The following MACO1 variants were observed in gnomAD, a reference collection of about 807,000 sequenced individuals.
MACO1 encodes macoilin.
In MACO1, 14 loss-of-function variants were observed where a neutral mutation model predicts 78.7. The observed-to-expected ratio is 0.18, with a 90% CI of 0.12 to 0.28. The LOEUF is 0.28. Ranked by LOEUF, MACO1 falls within the 10% of genes least tolerant of loss-of-function variation. The pLI is 1.00. For missense variants in MACO1, 501 were observed against 799.0 expected (o/e 0.63, Z 4.50); for synonymous variants, 288 against 291.6 (o/e 0.99, Z 0.12).
chr1:25,455,507 T>C (rs1470558772), intron 4 of MACO1, among the ~76,000 whole-genome samples: 2 of 152,244 alleles, frequency 1.3e-5, no homozygotes, highest in East Asian at 3.8e-4. Context: ...CGTAAGTTTG[T>C]AGTGAGACCA....
intron 6 of MACO1, among the ~76,000 whole-genome samples, chr1:25,467,323 T>C (rs944467275): frequency 3.9e-5 from 6 of 152,304 alleles, no homozygotes; most frequent in Admixed American, 6.5e-5. Context: ...CCTGAACTGC[T>C]GTCCTGAAGT....
rs1234460473 is a variant in MACO1 at position 25,473,632 on chromosome 1, C to T, written c.1155-10484C>T. On this transcript the variant is annotated intron_variant, in intron 6 of 10. Coordinates refer to ENST00000374343, the MANE Select transcript of MACO1 (RefSeq NM_018202.6). Reference sequence around the variant, plus strand: ...TTTGTGTTAAATTCTGAGTCAGTACCTCTGTTGGCATATAATGAATTTAGT... The same window carrying T: ...TTTGTGTTAAATTCTGAGTCAGTACTTCTGTTGGCATATAATGAATTTAGT... Among the ~76,000 whole-genome samples the T allele has an allele frequency of 3.3e-5, 5 of 152,176 alleles. No homozygotes were observed. The East Asian group carries it at 9.6e-4, about 29-fold the overall frequency.
intron 8 of MACO1, 56 bp from the exon 9 acceptor site, chr1:25,489,117 A>G: frequency 6.4e-7 from 1 of 1,568,382 alleles, no homozygotes; most frequent in Non-Finnish European, 8.6e-7. Flanking sequence ...CACAGGGCCC[A>G]GCCCCAACCT....
intron 4 of MACO1, among the ~76,000 whole-genome samples, 174 bp downstream of exon 4, chr1:25,454,556 T>C (rs1405334694): frequency 6.7e-6 from 1 of 149,834 alleles, no homozygotes; most frequent in Non-Finnish European, 1.5e-5. Flanking sequence ...CGATCTTGGT[T>C]ATGCAACCTC....
At chr1:25,452,723 G>T (rs2043078294) in intron 3 of MACO1, among the ~76,000 whole-genome samples, 1 of 146,640 alleles carries the variant, frequency 6.8e-6, no homozygotes, top group African/African-American at 2.6e-5. Flanking sequence ...TTGAGGCAGA[G>T]TCTCGCTCTG....
intron 10 of MACO1, among the ~76,000 whole-genome samples, chr1:25,492,641 A>G (rs1369224619): frequency 3.3e-5 from 5 of 152,010 alleles, no homozygotes; most frequent in Non-Finnish European, 7.4e-5. Context: ...CCATGGAAAG[A>G]ACTTAGGGTT....
At chr1:25,480,929 A>AAAAAATAT (rs1553166539) in intron 6 of MACO1, among the ~76,000 whole-genome samples, 37 of 47,860 alleles carry the variant, frequency 7.7e-4, no homozygotes, top group African/African-American at 9.7e-4. Context: ...AAAAAAAAAA[A>AAAAAATAT]ATATATATAT....
rs182452838 is a variant in MACO1, at chr1:25,480,852, A to G, written c.1155-3264A>G. On this transcript the variant is annotated intron_variant, in intron 6 of 10. Transcript: ENST00000374343. ...AGGCTGAGGCAGGAGAATTGCTTGA[A>G]CCCAGGAGGGGGAGATTGCAGTGAG... is the stretch of plus-strand genomic sequence containing the variant. Among the ~76,000 whole-genome samples the G allele has an allele frequency of 6.4e-3, 931 of 146,486 alleles. 16 individuals carry two copies. Among genetic ancestry groups the G allele is most frequent in the African/African-American group, 0.022 (879 of 39,268 alleles).
chr1:25,455,213 A>G (rs1453919397), intron 4 of MACO1, among the ~76,000 whole-genome samples: 1 of 152,214 alleles, frequency 6.6e-6, no homozygotes, highest in East Asian at 1.9e-4. Context: ...TATTATTAAT[A>G]ATTTTTGAAT....
chr1:25,494,068 T>G (rs182969403), intron 10 of MACO1, among the ~76,000 whole-genome samples: 1 of 152,346 alleles, frequency 6.6e-6, no homozygotes, highest in Non-Finnish European at 1.5e-5. Context: ...TTCATTCTGT[T>G]GTGATTTCAC....
At chr1:25,460,828 T>A (rs1387194078) in intron 6 of MACO1, among the ~76,000 whole-genome samples, 1 of 152,158 alleles carries the variant, frequency 6.6e-6, no homozygotes. Flanking sequence ...ATGCGTACTC[T>A]GCCTTGACCT....
Position 25,489,287 on chromosome 1 carries a change from A to G in MACO1, c.1611A>G (p.Lys537=), listed in dbSNP as rs201129616. 3 of 1,613,588 alleles carry G rather than the reference A, an allele frequency of 1.9e-6. No homozygotes were observed. The Admixed American group carries it at 5.0e-5, about 27-fold the overall frequency. The part of the protein sequence containing the change: ...KEDQIRELEL[K]VQELRKYKEN... Reference sequence around the variant, plus strand: ...ACCAAATCAGAGAACTAGAACTAAAAGTCCAGGTAAGGGGGGAACAAAAGA... The same window carrying G: ...ACCAAATCAGAGAACTAGAACTAAAGGTCCAGGTAAGGGGGGAACAAAAGA... Residue 537 remains lysine, a synonymous_variant, in exon 9 of 11, where the codon AAA becomes AAG. Transcript: ENST00000374343.
chr1:25,483,798 C>T (rs1174448543), intron 6 of MACO1, among the ~76,000 whole-genome samples: 1 of 152,238 alleles, frequency 6.6e-6, no homozygotes, highest in Admixed American at 6.5e-5. Flanking sequence ...AGCCTTTAGT[C>T]TTCAGCCACC....
At chr1:25,496,660 C>T (rs1249607801) in intron 10 of MACO1, among the ~76,000 whole-genome samples, 7 of 151,780 alleles carry the variant, frequency 4.6e-5, no homozygotes, top group Admixed American at 3.3e-4. Context: ...ACTTGTAGAA[C>T]TCCACTTTTT....
intron 6 of MACO1, among the ~76,000 whole-genome samples, chr1:25,470,180 C>T (rs1234763371): frequency 6.6e-6 from 1 of 152,044 alleles, no homozygotes; most frequent in Non-Finnish European, 1.5e-5. Flanking sequence ...CCAAGATGTC[C>T]CTATTTTGTG....
chr1:25,458,261 A>T (rs764942430), intron 5 of MACO1, 130 bp from the exon 6 acceptor site: 16 of 1,293,136 alleles, frequency 1.2e-5, no homozygotes, highest in Non-Finnish European at 1.6e-5. Flanking sequence ...TGATTAGCGT[A>T]TAATGAGTGT....
chr1:25,488,326 G>A (rs970676876), intron 8 of MACO1, among the ~76,000 whole-genome samples: 1 of 151,868 alleles, frequency 6.6e-6, no homozygotes, highest in Non-Finnish European at 1.5e-5. Flanking sequence ...CTGGGATTAC[G>A]GGCATGAGCC....
chr1:25,462,885 A>G (rs2043184274), intron 6 of MACO1, among the ~76,000 whole-genome samples: 1 of 96,966 alleles, frequency 1.0e-5, no homozygotes, highest in Non-Finnish European at 2.4e-5. Context: ...AACAGCACAC[A>G]GGCCAAATCT....
chr1:25,431,200 C>G, intron 1 of MACO1, 22 bp downstream of exon 1: 1 of 1,574,168 alleles, frequency 6.4e-7, no homozygotes, highest in Non-Finnish European at 8.6e-7. Flanking sequence ...CACCCCCACT[C>G]CGCGGGCGCG....
Sources: allele counts gnomAD v4.1 joint callset (sites outside exome capture counted in the v4.1 genomes callset), GRCh38; gene constraint gnomAD v4.1.1; transcripts MANE v1.5; gene names NCBI Gene and HGNC (gene_info 2026-07-23, HGNC 2026-07-21).